The following KCNK9 variants were observed in gnomAD, a reference collection of about 807,000 sequenced individuals.
KCNK9 encodes potassium channel subfamily K member 9.
In KCNK9, 1 loss-of-function variant was observed where a neutral mutation model predicts 10.8. That is an observed-to-expected ratio of 0.09 (90% CI 0.03 to 0.44). The LOEUF is 0.44. Among genes scored for constraint, KCNK9 ranks in the 20% least tolerant of loss-of-function variants. The pLI is 0.97. For synonymous variants in KCNK9, 231 were observed against 222.7 expected, an observed-to-expected ratio of 1.04 and a Z score of -0.33; for missense variants, 303 against 515.0, an observed-to-expected ratio of 0.59 and a Z score of 3.98.
At chr8:139,670,353 C>T (rs534424134) in intron 1 of KCNK9, among the ~76,000 whole-genome samples, 1 of 152,224 alleles carries the variant, frequency 6.6e-6, no homozygotes, top group African/African-American at 2.4e-5. Context: ...TGAGCACATG[C>T]TCTTGGAAAC....
chr8:139,645,911 G>A (rs543818420), intron 1 of KCNK9, among the ~76,000 whole-genome samples: 19 of 151,486 alleles, frequency 1.3e-4, no homozygotes, highest in East Asian at 3.9e-4. Context: ...GCCCAAACCC[G>A]AAGACTCTCC....
chr8:139,616,494 A>G (rs545353064), downstream of KCNK9: 1 of 152,218 alleles, frequency 6.6e-6, no homozygotes, highest in Non-Finnish European at 1.5e-5. Context: ...GGGATGTAGC[A>G]TTAAAGTACA....
At chr8:139,701,663 G>A (rs1817222700) in intron 1 of KCNK9, among the ~76,000 whole-genome samples, 1 of 152,118 alleles carries the variant, frequency 6.6e-6, no homozygotes, top group Non-Finnish European at 1.5e-5. Flanking sequence ...GCCCTAGAGA[G>A]GCAGCCTGCC....
At chr8:139,665,885 C>T (rs1481281156) in intron 1 of KCNK9, among the ~76,000 whole-genome samples, 1 of 152,232 alleles carries the variant, frequency 6.6e-6, no homozygotes, top group Non-Finnish European at 1.5e-5. Context: ...CACTGCTGGC[C>T]CACAAATGGC....
chr8:139,631,053 G>T (rs1383892108), intron 1 of KCNK9, among the ~76,000 whole-genome samples: 1 of 152,226 alleles, frequency 6.6e-6, no homozygotes, highest in African/African-American at 2.4e-5. Context: ...GCGCCCTCTG[G>T]CGGGCACTCG....
At chr8:139,640,181 T>C (rs1246707002) in intron 1 of KCNK9, among the ~76,000 whole-genome samples, 2 of 152,178 alleles carry the variant, frequency 1.3e-5, no homozygotes, top group Non-Finnish European at 2.9e-5. Context: ...CCAGGCACCA[T>C]GCTAAGCTCT....
chr8:139,622,496 G>A (rs1014196391), intron 1 of KCNK9, among the ~76,000 whole-genome samples: 4 of 152,122 alleles, frequency 2.6e-5, no homozygotes, highest in East Asian at 1.9e-4. Context: ...GGGCGACTTC[G>A]GCAACTAGCC....
intron 1 of KCNK9, among the ~76,000 whole-genome samples, chr8:139,657,721 C>CTT (rs1816055530): frequency 6.6e-6 from 1 of 152,182 alleles, no homozygotes; most frequent in African/African-American, 2.4e-5. Flanking sequence ...TAAGCTGCAC[C>CTT]GCATGGTCAC....
At chr8:139,634,224 G>A (rs779468272) in intron 1 of KCNK9, among the ~76,000 whole-genome samples, 27 of 152,216 alleles carry the variant, frequency 1.8e-4, no homozygotes, top group Non-Finnish European at 3.1e-4. Context: ...CCACTCATGG[G>A]GAAGGTGATT....
intron 1 of KCNK9, among the ~76,000 whole-genome samples, chr8:139,625,780 G>A (rs1814952846): frequency 6.6e-6 from 1 of 151,554 alleles, no homozygotes. Context: ...GAGAGGCAGA[G>A]GACAAGGAAA....
intron 1 of KCNK9, among the ~76,000 whole-genome samples, chr8:139,697,339 G>A (rs1171079213): frequency 7.1e-6 from 1 of 141,074 alleles, no homozygotes. Flanking sequence ...GAATGGGTGA[G>A]TGGATGGTTG....
intron 1 of KCNK9, among the ~76,000 whole-genome samples, chr8:139,622,385 C>T (rs945803057): frequency 1.3e-5 from 2 of 152,174 alleles, no homozygotes; most frequent in Non-Finnish European, 2.9e-5. Flanking sequence ...CCACACCCTG[C>T]TCTCTACCCT....
chr8:139,655,730 CCTGGG>C (rs1411653814), intron 1 of KCNK9, among the ~76,000 whole-genome samples: 2 of 152,194 alleles, frequency 1.3e-5, no homozygotes, highest in African/African-American at 4.8e-5. Flanking sequence ...CTCCCACACC[CCTGGG>C]CTCTCCCCAC....
At chr8:139,669,765 A>G (rs2129730015) in intron 1 of KCNK9, among the ~76,000 whole-genome samples, 2 of 152,342 alleles carry the variant, frequency 1.3e-5, no homozygotes, top group Middle Eastern at 6.8e-3. Context: ...GGAATGGTAT[A>G]TTCCTTCTAA....
chr8:139,624,798 G>A (rs113246939), intron 1 of KCNK9, among the ~76,000 whole-genome samples: 65 of 152,344 alleles, frequency 4.3e-4, no homozygotes, highest in African/African-American at 1.5e-3. Context: ...CCCGGGGGCC[G>A]GTGATGCCCA....
chr8:139,645,100 G>C (rs1300242001), intron 1 of KCNK9, among the ~76,000 whole-genome samples: 2 of 152,142 alleles, frequency 1.3e-5, no homozygotes, highest in Admixed American at 1.3e-4. Flanking sequence ...AATTAACAAA[G>C]AGAGTGCAAG....
intron 1 of KCNK9, among the ~76,000 whole-genome samples, chr8:139,661,697 T>C (rs1165288874): frequency 6.6e-6 from 1 of 152,220 alleles, no homozygotes; most frequent in Admixed American, 6.5e-5. Flanking sequence ...CAACAGGGAC[T>C]GGTGTCTACA....
At chr8:139,619,153 G>A in intron 1 of KCNK9, 54 bp from the exon 2 acceptor site, 3 of 1,604,792 alleles carry the variant, frequency 1.9e-6, no homozygotes, top group Non-Finnish European at 2.5e-6. Flanking sequence ...GGGTCTAGAG[G>A]TTGGGGGAAG....
intron 1 of KCNK9, among the ~76,000 whole-genome samples, chr8:139,637,418 G>A (rs964113656): frequency 7.2e-5 from 11 of 152,320 alleles, no homozygotes; most frequent in African/African-American, 2.2e-4. Context: ...GCTCACCAAA[G>A]AGTAAGTGTA....
Sources: gnomAD v4.1 joint callset for allele counts (sites outside exome capture counted in the v4.1 genomes callset) on GRCh38, gnomAD v4.1.1 for gene constraint, MANE v1.5 for transcripts, NCBI Gene and HGNC (gene_info 2026-07-23, HGNC 2026-07-21) for gene names.